Variants in SLC39A11 observed in about 807,000 individuals in gnomAD.
SLC39A11 encodes the protein solute carrier family 39 member 11, also known as zinc transporter ZIP11.
Under a neutral mutation model 36.1 loss-of-function variants are expected in SLC39A11, and 33 were observed. The ratio of observed to expected loss-of-function variants is 0.91; its 90% CI spans 0.69 to 1.22. The LOEUF (loss-of-function observed/expected upper bound fraction) is 1.22. Among genes scored for constraint, SLC39A11 ranks in the 50% most tolerant of loss-of-function variants. The pLI is 0.00. For missense variants in SLC39A11, 432 were observed against 430.3 expected (o/e 1.00, Z -0.03); for synonymous variants, 166 against 170.3 (o/e 0.97, Z 0.20).
chr17:72,825,659 C>A (rs1198089757), intron 6 of SLC39A11, among the ~76,000 whole-genome samples: 1 of 152,218 alleles, frequency 6.6e-6, no homozygotes, highest in African/African-American at 2.4e-5. Flanking sequence ...CCGCGCAGAG[C>A]CAAAGGGGCG....
At chr17:72,999,261 C>G (rs1214944146) in intron 4 of SLC39A11, among the ~76,000 whole-genome samples, 1 of 152,220 alleles carries the variant, frequency 6.6e-6, no homozygotes, top group Non-Finnish European at 1.5e-5. Context: ...TTAACTGTCT[C>G]TCATTCTCTC....
intron 5 of SLC39A11, among the ~76,000 whole-genome samples, chr17:72,903,550 A>G (rs12051813): frequency 0.61 from 92,573 of 152,042 alleles, 29,266 homozygotes; most frequent in African/African-American, 0.79. Context: ...CAGCACTGTG[A>G]CCGTAGAGGC....
At chr17:73,074,778 A>C (rs1568231477) in intron 3 of SLC39A11, among the ~76,000 whole-genome samples, 1 of 152,174 alleles carries the variant, frequency 6.6e-6, no homozygotes, top group Non-Finnish European at 1.5e-5. Context: ...ACTTAGCCAA[A>C]ACCTCCTTAA....
chr17:73,069,487 A>C (rs1174892045), intron 3 of SLC39A11, among the ~76,000 whole-genome samples: 1 of 152,256 alleles, frequency 6.6e-6, no homozygotes, highest in Non-Finnish European at 1.5e-5. Flanking sequence ...CTCCAAAGAA[A>C]GAAACAAATG....
chr17:72,675,463 T>A (rs988613570), intron 7 of SLC39A11, among the ~76,000 whole-genome samples: 1 of 152,220 alleles, frequency 6.6e-6, no homozygotes, highest in Non-Finnish European at 1.5e-5. Context: ...CATTTTGTTT[T>A]GGTAGCCCAA....
At chr17:72,746,640 A>G (rs1262418085) in intron 6 of SLC39A11, among the ~76,000 whole-genome samples, 1 of 152,196 alleles carries the variant, frequency 6.6e-6, no homozygotes, top group Non-Finnish European at 1.5e-5. Flanking sequence ...CGGGAGGCTG[A>G]GACAGGATAA....
At chr17:72,760,812 A>G (rs1479260436) in intron 6 of SLC39A11, among the ~76,000 whole-genome samples, 2 of 152,082 alleles carry the variant, frequency 1.3e-5, no homozygotes, top group African/African-American at 4.8e-5. Context: ...TACTCATGCC[A>G]CCTCCGATGT....
chr17:72,741,423 T>A (rs2074697203), intron 6 of SLC39A11, among the ~76,000 whole-genome samples: 1 of 152,210 alleles, frequency 6.6e-6, no homozygotes, highest in Admixed American at 6.5e-5. Context: ...TAATTTTTGA[T>A]AAATTTTAAC....
chr17:73,055,700 T>A (rs895886688), intron 3 of SLC39A11, among the ~76,000 whole-genome samples: 3 of 152,132 alleles, frequency 2.0e-5, no homozygotes, highest in Admixed American at 6.6e-5. Flanking sequence ...CTTGAACTCC[T>A]GGGCTCAAAC....
chr17:73,018,230 C>T (rs1287154367), intron 4 of SLC39A11, among the ~76,000 whole-genome samples: 3 of 152,130 alleles, frequency 2.0e-5, no homozygotes, highest in African/African-American at 4.8e-5. Flanking sequence ...AGACCACTGA[C>T]AATGTCCAAT....
chr17:72,659,607 G>C (rs2070318449), intron 7 of SLC39A11, among the ~76,000 whole-genome samples: 1 of 103,296 alleles, frequency 9.7e-6, no homozygotes, highest in East Asian at 3.4e-4. Flanking sequence ...TTTGGAGACA[G>C]AGTCTTGCTC....
intron 4 of SLC39A11, among the ~76,000 whole-genome samples, chr17:72,997,641 G>A (rs1372764697): frequency 6.6e-6 from 1 of 152,232 alleles, no homozygotes; most frequent in East Asian, 1.9e-4. Flanking sequence ...ATATTAAATG[G>A]AAAATTCCAA....
chr17:73,035,915 G>A (rs1416426142), intron 3 of SLC39A11, among the ~76,000 whole-genome samples: 1 of 143,418 alleles, frequency 7.0e-6, no homozygotes, highest in Non-Finnish European at 1.5e-5. Context: ...GAGAAAATAT[G>A]ATAACAAAAG....
chr17:72,781,143 C>T (rs1428486999), intron 6 of SLC39A11, among the ~76,000 whole-genome samples: 1 of 152,166 alleles, frequency 6.6e-6, no homozygotes, highest in African/African-American at 2.4e-5. Context: ...CTAAAGTGAA[C>T]ATTTTAAAAT....
At chr17:72,656,995 AATAAAAAAG>A (rs1397373194) in intron 7 of SLC39A11, among the ~76,000 whole-genome samples, 4 of 152,112 alleles carry the variant, frequency 2.6e-5, no homozygotes, top group African/African-American at 9.7e-5. Context: ...AATAAAAATA[AATAAAAAAG>A]AGAAAAAAGA....
chr17:72,776,080 T>C (rs2076121940), intron 6 of SLC39A11, among the ~76,000 whole-genome samples: 1 of 152,220 alleles, frequency 6.6e-6, no homozygotes, highest in African/African-American at 2.4e-5. Flanking sequence ...GACCCCCTGC[T>C]TGGGGGAGAT....
At chr17:72,791,609 T>C (rs1452369299) in intron 6 of SLC39A11, among the ~76,000 whole-genome samples, 1 of 152,198 alleles carries the variant, frequency 6.6e-6, no homozygotes, top group East Asian at 1.9e-4. Context: ...AAACCTGTGA[T>C]AAAGGTACTG....
At chr17:72,804,918 A>T (rs1230623529) in intron 6 of SLC39A11, among the ~76,000 whole-genome samples, 3 of 152,112 alleles carry the variant, frequency 2.0e-5, no homozygotes. Context: ...CGGGAGGCTG[A>T]GGCAGGAGAA....
At chr17:73,086,206 G>A (rs2060724161) in intron 2 of SLC39A11, among the ~76,000 whole-genome samples, 1 of 152,096 alleles carries the variant, frequency 6.6e-6, no homozygotes, top group African/African-American at 2.4e-5. Context: ...TTCTTGATCT[G>A]GGCTCTAGTT....
Sources: gnomAD v4.1 joint callset for allele counts (sites outside exome capture counted in the v4.1 genomes callset) on GRCh38, gnomAD v4.1.1 for gene constraint, MANE v1.5 for transcripts, NCBI Gene and HGNC (gene_info 2026-07-23, HGNC 2026-07-21) for gene names.